Variants in SHOC1 observed in about 807,000 individuals in gnomAD.
The protein encoded by SHOC1 is shortage in chiasmata 1.
In SHOC1, 136 loss-of-function variants were observed where a neutral mutation model predicts 179.2. That is an observed-to-expected ratio of 0.76 (90% CI 0.66 to 0.87). The LOEUF (loss-of-function observed/expected upper bound fraction) is 0.87. Among genes scored for constraint, SHOC1 ranks in the 40% least tolerant of loss-of-function variants. The probability of loss-of-function intolerance (pLI) is 0.00; values close to 1 mark genes in which losing one functional copy is unlikely to be tolerated. For synonymous variants in SHOC1, 489 were observed against 586.6 expected, an observed-to-expected ratio of 0.83 and a Z score of 2.41; for missense variants, 1,538 against 1,700.8, an observed-to-expected ratio of 0.90 and a Z score of 1.68.
rs763628631 is a variant in SHOC1 at position 111,703,968 on chromosome 9, T to C, written c.2880A>G (p.Arg960=). ...AGAGTTTCAATGACTCACTGCAGCC[T>C]CTCTCTACTAGTGAGATGTTATAGC... ...ESNYNISLVE[R]GCSESLKLFG... Residue 960 remains arginine, a synonymous_variant, in exon 22 of 28, where the codon AGA becomes AGG. Transcript: ENST00000682961. 1.9e-6 allele frequency: 3 copies of C among 1,596,548 alleles called. No homozygotes were observed. In the South Asian group the frequency reaches 3.3e-5, roughly 18 times the overall value.
intron 19 of SHOC1, among the ~76,000 whole-genome samples, 159 bp from the exon 20 acceptor site, chr9:111,706,905 A>G (rs74633082): frequency 0.011 from 1,689 of 152,188 alleles, 30 homozygotes; most frequent in African/African-American, 0.038. Context: ...GCTCTTCAAT[A>G]GTGTTAATTT....
Position 111,738,349 on chromosome 9 carries a change from GA to G in SHOC1, c.1347del (p.His450MetfsTer22), listed in dbSNP as rs1341204396. The G allele has an allele frequency of 6.2e-7, 1 of 1,611,428 alleles. No individual in the cohort carries two copies. Among genetic ancestry groups the G allele is most frequent in the Admixed American group, 1.7e-5 (1 of 59,540 alleles). ...GTGTCATTAGAAGACAAATTATCAT[GA>G]CATAAATATGTATTCAGATGTTCCA... ...ETLEHLNTYLCHDNLSSNDTK... is the reference protein window; with the variant it reads ...ETLEHLNTYLXHDNLSSNDTK... On this transcript the variant is annotated frameshift_variant, in exon 12 of 28. Coordinates refer to ENST00000682961, the MANE Select transcript of SHOC1 (RefSeq NM_001378211.1). LOFTEE classifies it high-confidence loss of function.
At chr9:111,729,282 A>G (rs1056595095) in intron 12 of SHOC1, among the ~76,000 whole-genome samples, 14 of 128,152 alleles carry the variant, frequency 1.1e-4, no homozygotes, top group Non-Finnish European at 1.6e-4. Context: ...TTTTATTTTT[A>G]TTTTTAGGAG....
intron 12 of SHOC1, among the ~76,000 whole-genome samples, chr9:111,733,961 A>C (rs1833706131): frequency 6.6e-6 from 1 of 152,164 alleles, no homozygotes. Flanking sequence ...TCTAGTGGTA[A>C]TCTGGTATGT....
chr9:111,704,136 T>C (rs1282330867), intron 21 of SHOC1, 144 bp from the exon 22 acceptor site: 10 of 530,004 alleles, frequency 1.9e-5, no homozygotes, highest in Non-Finnish European at 2.6e-5. Flanking sequence ...TTTATAAAAT[T>C]TGAAGAATAA....
chr9:111,735,734 T>C (rs1278534817), intron 12 of SHOC1, among the ~76,000 whole-genome samples: 1 of 152,234 alleles, frequency 6.6e-6, no homozygotes, highest in Non-Finnish European at 1.5e-5. Flanking sequence ...ATGGTATTTC[T>C]GGTTCTAGAT....
intron 19 of SHOC1, 149 bp downstream of exon 19, chr9:111,707,706 C>A: frequency 3.5e-6 from 2 of 576,722 alleles, no homozygotes; most frequent in Non-Finnish European, 3.1e-6. Context: ...AATTAAAGTG[C>A]CCTATGTAAA....
chr9:111,765,140 C>CAA (rs528073844), intron 5 of SHOC1, among the ~76,000 whole-genome samples: 1 of 117,134 alleles, frequency 8.5e-6, no homozygotes. Context: ...GACTCCGTCT[C>CAA]AAAAAAAAAA....
At chr9:111,761,424 C>G (rs57128028) in intron 5 of SHOC1, among the ~76,000 whole-genome samples, 2,946 of 152,198 alleles carry the variant, frequency 0.019, 86 homozygotes, top group African/African-American at 0.067. Context: ...ATCACTTGAA[C>G]CTGGGAGGTG....
chr9:111,723,189 A>G (rs1440101644), intron 14 of SHOC1, among the ~76,000 whole-genome samples: 1 of 152,248 alleles, frequency 6.6e-6, no homozygotes, highest in Non-Finnish European at 1.5e-5. Flanking sequence ...CACTGTTAGC[A>G]TATGATCTTA....
intron 24 of SHOC1, 52 bp downstream of exon 24, chr9:111,699,902 T>C: frequency 8.7e-7 from 1 of 1,150,272 alleles, no homozygotes; most frequent in Non-Finnish European, 1.3e-6. Context: ...AGTTTGAGTA[T>C]AATTTTGGTT....
At chr9:111,775,654 A>C (rs1835800334) in intron 5 of SHOC1, 137 bp downstream of exon 5, 4 of 617,292 alleles carry the variant, frequency 6.5e-6, no homozygotes, top group Non-Finnish European at 1.1e-5. Flanking sequence ...TACTGCCCTA[A>C]TGTGGCAAAG....
chr9:111,788,617 G>C (rs1407448646), intron 2 of SHOC1, among the ~76,000 whole-genome samples: 2 of 152,150 alleles, frequency 1.3e-5, no homozygotes, highest in Non-Finnish European at 2.9e-5. Context: ...ATATGTGTAA[G>C]TACTTGACAA....
Position 111,727,778 on chromosome 9 carries a change from G to A in SHOC1, c.1689C>T (p.Ser563=), listed in dbSNP as rs778424219. 3 of 1,613,386 alleles carry A rather than the reference G, an allele frequency of 1.9e-6. No homozygotes were observed. Among genetic ancestry groups the A allele is most frequent in the Non-Finnish European group, 8.5e-7 (1 of 1,179,678 alleles). Residue 563 remains serine, a synonymous_variant, in exon 13 of 28, where the codon TCC becomes TCT. Coordinates refer to ENST00000682961, the MANE Select transcript of SHOC1 (RefSeq NM_001378211.1). ...AAGATGCTTTTTTAATTATTGAAGAGGAAGGTGATTTAATAGATGGTCCTG... is the reference window on the plus strand; with the variant it reads ...AAGATGCTTTTTTAATTATTGAAGAAGAAGGTGATTTAATAGATGGTCCTG... ...DCTGPSIKSP[S]SSIIKKASFE...
At chr9:111,725,057 C>T (rs529442283) in intron 13 of SHOC1, among the ~76,000 whole-genome samples, 1 of 152,120 alleles carries the variant, frequency 6.6e-6, no homozygotes, top group African/African-American at 2.4e-5. Flanking sequence ...TAGTATTATC[C>T]ATCAGTAATA....
intron 27 of SHOC1, 66 bp from the exon 28 acceptor site, chr9:111,686,936 T>C: frequency 1.0e-6 from 1 of 963,536 alleles, no homozygotes; most frequent in Non-Finnish European, 1.5e-6. Flanking sequence ...GTTTTTTCTT[T>C]TCCTTTTTTT....
chr9:111,734,523 A>G (rs1833732751), intron 12 of SHOC1, among the ~76,000 whole-genome samples: 1 of 152,166 alleles, frequency 6.6e-6, no homozygotes, highest in Non-Finnish European at 1.5e-5. Context: ...CCAACCAAAT[A>G]TCTTTGTCTT....
At chr9:111,759,355 C>T in intron 5 of SHOC1, 13 of 1,499,482 alleles carry the variant, frequency 8.7e-6, no homozygotes, top group Non-Finnish European at 1.2e-5. Context: ...AAGTTATTCA[C>T]ATGGTTGCTA....
chr9:111,747,826 C>T (rs1057410946), intron 9 of SHOC1, among the ~76,000 whole-genome samples: 4 of 152,096 alleles, frequency 2.6e-5, no homozygotes, highest in African/African-American at 4.8e-5. Flanking sequence ...CTTAAGTGAT[C>T]CGCCCACCTC....
Sources: gnomAD v4.1 joint callset for allele counts (sites outside exome capture counted in the v4.1 genomes callset) on GRCh38, gnomAD v4.1.1 for gene constraint, MANE v1.5 for transcripts, NCBI Gene and HGNC (gene_info 2026-07-23, HGNC 2026-07-21) for gene names.